Variants in SYNE2 observed in about 807,000 individuals in gnomAD.
The protein encoded by SYNE2 is nesprin-2.
A neutral mutation model predicts 856.3 loss-of-function variants in SYNE2; 431 were observed. The observed-to-expected ratio is 0.50, with a 90% CI of 0.47 to 0.55. SYNE2 has a LOEUF of 0.55. Ranked by LOEUF, SYNE2 falls within the 20% of genes least tolerant of loss-of-function variation. The probability of loss-of-function intolerance (pLI) is 0.00; values close to 1 mark genes in which losing one functional copy is unlikely to be tolerated. For missense variants in SYNE2, 8,129 were observed against 8,023.2 expected (o/e 1.01, Z -0.50); for synonymous variants, 2,923 against 2,872.3 (o/e 1.02, Z -0.56).
intron 97 of SYNE2, 134 bp downstream of exon 97, chr14:64,186,713 G>A: frequency 1.7e-6 from 2 of 1,164,078 alleles, no homozygotes; most frequent in South Asian, 2.5e-5. Flanking sequence ...CCCGGCCGCT[G>A]CTCCTTTAGA....
intron 48 of SYNE2, 90 bp downstream of exon 48, chr14:64,053,747 A>C (rs2097246322): frequency 7.6e-7 from 1 of 1,321,170 alleles, no homozygotes; most frequent in African/African-American, 1.5e-5. Context: ...CTGGCGGATC[A>C]CTTGAGGCCA....
chr14:63,996,064 G>T (rs955622562), intron 23 of SYNE2, among the ~76,000 whole-genome samples: 1 of 152,100 alleles, frequency 6.6e-6, no homozygotes, highest in Non-Finnish European at 1.5e-5. Flanking sequence ...GATATCACCA[G>T]TGTTTTTCGG....
chr14:63,989,524 G>A (rs1594704373), intron 19 of SYNE2, among the ~76,000 whole-genome samples: 2 of 152,174 alleles, frequency 1.3e-5, no homozygotes, highest in East Asian at 3.9e-4. Flanking sequence ...TTTTAGTAGA[G>A]GCTGGGTTTC....
At chr14:63,913,555 A>G (rs1595598481) in intron 2 of SYNE2, among the ~76,000 whole-genome samples, 1 of 149,572 alleles carries the variant, frequency 6.7e-6, no homozygotes, top group Admixed American at 6.7e-5. Context: ...CTCCGCCTCC[A>G]GAGTTCAAGT....
At chr14:64,014,615 G>A (rs1300848257) in intron 32 of SYNE2, among the ~76,000 whole-genome samples, 1 of 151,984 alleles carries the variant, frequency 6.6e-6, no homozygotes, top group Non-Finnish European at 1.5e-5. Flanking sequence ...TTTTAGTAGA[G>A]ACGGGATTTC....
chr14:63,920,274 G>A (rs1287093472), intron 2 of SYNE2, among the ~76,000 whole-genome samples: 1 of 151,868 alleles, frequency 6.6e-6, no homozygotes, highest in Admixed American at 6.6e-5. Flanking sequence ...GAAGTATGGA[G>A]TGGGAGTACC....
intron 57 of SYNE2, among the ~76,000 whole-genome samples, chr14:64,086,033 T>G (rs1325945764): frequency 6.6e-6 from 1 of 152,186 alleles, no homozygotes; most frequent in Non-Finnish European, 1.5e-5. Context: ...GTATCAATAT[T>G]TTCTTTTATG....
intron 112 of SYNE2, 76 bp downstream of exon 112, chr14:64,221,780 T>G: frequency 1.3e-6 from 2 of 1,549,198 alleles, no homozygotes; most frequent in Non-Finnish European, 1.8e-6. Context: ...TCAGGTAGCC[T>G]CGCCTAGTAT....
In SYNE2 at chr14:64,000,430, A is replaced by G. The variant is rs925325543; in HGVS notation, c.3481-132A>G. The G allele has an allele frequency of 8.2e-6, 7 of 851,468 alleles. No homozygotes were observed. The African/African-American group carries it at 1.2e-4, about 14-fold the overall frequency. The allele number at this position is 851,468 out of a possible 1,614,324, so 52.7% of individuals were successfully genotyped here. ...GTTCACTTGTAGGTGGTTGGAAAGT[A>G]TTTTTAAACACATTTACATATGAAA... On this transcript the variant is annotated intron_variant, in intron 27 of 115. Transcript: ENST00000555002.
intron 1 of SYNE2, among the ~76,000 whole-genome samples, chr14:63,788,318 TGCAGCTGC>T (rs1887613873): frequency 6.6e-6 from 1 of 152,054 alleles, no homozygotes; most frequent in Non-Finnish European, 1.5e-5. Context: ...CAGCTGCAGC[TGCAGCTGC>T]ACCAGGGAGT....
intron 96 of SYNE2, 69 bp from the exon 97 acceptor site, chr14:64,186,355 C>A: frequency 6.3e-7 from 1 of 1,581,886 alleles, no homozygotes; most frequent in African/African-American, 1.3e-5. Context: ...AAAGGATTAG[C>A]CTACAGGTTT....
intron 85 of SYNE2, among the ~76,000 whole-genome samples, 162 bp from the exon 86 acceptor site, chr14:64,158,463 T>C (rs17751454): frequency 6.6e-6 from 1 of 152,086 alleles, no homozygotes; most frequent in East Asian, 1.9e-4. Flanking sequence ...TTCTCTGATA[T>C]GTTCTTATGC....
In SYNE2 at chr14:63,977,925, G is replaced by A; in HGVS notation, c.1314G>A (p.Glu438=). 1 of 1,613,160 alleles carries A rather than the reference G, an allele frequency of 6.2e-7. No homozygotes were observed. Among genetic ancestry groups the A allele is most frequent in the Non-Finnish European group, 8.5e-7 (1 of 1,179,222 alleles). The change falls in exon 13 of 116, where the codon GAG becomes GAA. Residue 438 remains glutamate (E), a synonymous_variant. Coordinates refer to ENST00000555002, the MANE Select transcript of SYNE2 (RefSeq NM_182914.3). ...TTCAGAGCCTGATGGATAGATTTGA[G>A]CATCATTCGAACATTCTCCTTACCT... ...TLFKSLMDRF[E]HHSNILLTFE...
intron 70 of SYNE2, among the ~76,000 whole-genome samples, chr14:64,124,681 C>G (rs1225976440): frequency 6.6e-6 from 1 of 152,116 alleles, no homozygotes; most frequent in Non-Finnish European, 1.5e-5. Context: ...CAGAAGACAG[C>G]ATGCTAAGGC....
chr14:64,000,675 A>T lies in SYNE2; in HGVS notation c.3594A>T (p.Thr1198=), dbSNP rs796265168. The change falls in exon 28 of 116, where the codon ACA becomes ACT. Residue 1198 remains threonine (T), a synonymous_variant. Coordinates refer to ENST00000555002, the MANE Select transcript of SYNE2 (RefSeq NM_182914.3). The part of the protein sequence containing the change: ...KKPFVIKERD[T]LKERERELQM... Reference sequence around the variant, plus strand: ...CTTTTGTAATTAAGGAAAGAGACACACTAAAGGAAAGAGAAAGAGAGCTTC... The same window carrying T: ...CTTTTGTAATTAAGGAAAGAGACACTCTAAAGGAAAGAGAAAGAGAGCTTC... 3 of 1,613,470 alleles carry T rather than the reference A, an allele frequency of 1.9e-6. No homozygotes were observed. In the African/African-American group the frequency reaches 4.0e-5, roughly 22 times the overall value.
chr14:63,871,366 C>T (rs961185430), intron 1 of SYNE2, among the ~76,000 whole-genome samples: 10 of 151,918 alleles, frequency 6.6e-5, no homozygotes, highest in Admixed American at 2.6e-4. Flanking sequence ...CTGCCATGCC[C>T]GGCTAATTTT....
chr14:64,057,257 C>G (rs369100063), intron 49 of SYNE2, among the ~76,000 whole-genome samples: 1 of 151,882 alleles, frequency 6.6e-6, no homozygotes, highest in Non-Finnish European at 1.5e-5. Context: ...TTACCATCTC[C>G]CTTCCACCTC....
intron 1 of SYNE2, among the ~76,000 whole-genome samples, chr14:63,793,007 A>G (rs1887790279): frequency 1.3e-5 from 2 of 152,150 alleles, no homozygotes; most frequent in South Asian, 2.1e-4. Context: ...TTTCACAAAA[A>G]TGTAGAATAT....
intron 94 of SYNE2, among the ~76,000 whole-genome samples, chr14:64,172,188 G>T (rs2098414455): frequency 6.6e-6 from 1 of 152,174 alleles, no homozygotes; most frequent in Admixed American, 6.5e-5. Context: ...GTTCCTGATT[G>T]TAGGGGAGCT....
Sources: allele counts gnomAD v4.1 joint callset (sites outside exome capture counted in the v4.1 genomes callset), GRCh38; gene constraint gnomAD v4.1.1; transcripts MANE v1.5; gene names NCBI Gene and HGNC (gene_info 2026-07-23, HGNC 2026-07-21).